The following PLXNA4 variants were observed in gnomAD, a reference collection of about 807,000 sequenced individuals.
PLXNA4 encodes plexin A4.
A neutral mutation model predicts 191.8 loss-of-function variants in PLXNA4; 44 were observed. The observed-to-expected ratio is 0.23, with a 90% CI of 0.18 to 0.29. The LOEUF (loss-of-function observed/expected upper bound fraction) is 0.29. Ranked by LOEUF, PLXNA4 falls within the 10% of genes least tolerant of loss-of-function variation. The pLI is 1.00. For synonymous variants in PLXNA4, 1,082 were observed against 1,009.5 expected (o/e 1.07, Z -1.36); for missense variants, 1,800 against 2,488.8 (o/e 0.72, Z 5.89).
intron 4 of PLXNA4, among the ~76,000 whole-genome samples, chr7:132,283,913 G>A (rs1341353978): frequency 1.3e-5 from 2 of 152,368 alleles, no homozygotes; most frequent in South Asian, 2.1e-4. Context: ...AGTGGCTCAT[G>A]CCTGTAATCC....
At chr7:132,287,900 G>A (rs1294276127) in intron 4 of PLXNA4, among the ~76,000 whole-genome samples, 1 of 152,196 alleles carries the variant, frequency 6.6e-6, no homozygotes, top group Admixed American at 6.5e-5. Flanking sequence ...GGCCGAGGCT[G>A]GTTCTGAGTT....
At chr7:132,388,167 C>A (rs1326396785) in intron 3 of PLXNA4, among the ~76,000 whole-genome samples, 1 of 152,186 alleles carries the variant, frequency 6.6e-6, no homozygotes, top group African/African-American at 2.4e-5. Flanking sequence ...TCTCAGGGTG[C>A]AGGTGGGGTA....
At chr7:132,361,229 T>C (rs1356593510) in intron 3 of PLXNA4, among the ~76,000 whole-genome samples, 1 of 152,110 alleles carries the variant, frequency 6.6e-6, no homozygotes, top group East Asian at 1.9e-4. Flanking sequence ...ATGAGGGCTG[T>C]CCACTGTGCC....
At chr7:132,297,348 C>T (rs1018798422) in intron 4 of PLXNA4, among the ~76,000 whole-genome samples, 2 of 152,120 alleles carry the variant, frequency 1.3e-5, no homozygotes, top group Non-Finnish European at 2.9e-5. Flanking sequence ...GTGGAGGACT[C>T]CAGGAAATAC....
chr7:132,437,800 G>A (rs1347104716), intron 3 of PLXNA4, among the ~76,000 whole-genome samples: 2 of 152,186 alleles, frequency 1.3e-5, no homozygotes, highest in African/African-American at 4.8e-5. Flanking sequence ...ACTGCAGACT[G>A]TCAGCAGCAG....
chr7:132,383,483 C>G, intron 3 of PLXNA4: 1 of 817,956 alleles, frequency 1.2e-6, no homozygotes, highest in Non-Finnish European at 1.5e-6. Context: ...AGCACAACTA[C>G]TGTTAGCATT....
chr7:132,398,947 T>C (rs1396832773), intron 3 of PLXNA4, among the ~76,000 whole-genome samples: 2 of 152,130 alleles, frequency 1.3e-5, no homozygotes, highest in Non-Finnish European at 2.9e-5. Flanking sequence ...TCCACAAAGA[T>C]GGCCTTTGTG....
chr7:132,439,466 G>A (rs1795604097), intron 3 of PLXNA4, among the ~76,000 whole-genome samples: 1 of 150,054 alleles, frequency 6.7e-6, no homozygotes, highest in Admixed American at 6.7e-5. Context: ...ATACATACAT[G>A]TGCATGCATA....
intron 3 of PLXNA4, among the ~76,000 whole-genome samples, chr7:132,452,919 G>A (rs1796175652): frequency 6.6e-6 from 1 of 152,198 alleles, no homozygotes; most frequent in Non-Finnish European, 1.5e-5. Context: ...ATGGATATGT[G>A]TTGGGGTAGA....
rs1795827019 is a variant in PLXNA4 at position 132,444,662 on chromosome 7, G to A, written c.1371+44630C>T. ...CCCAGGCAGCCTGGTGCACATCTGT[G>A]TTAAGGTGTGTGTGTTGGTGTGGGA... On this transcript the variant is annotated intron_variant, in intron 3 of 31. Coordinates refer to ENST00000321063, the MANE Select transcript of PLXNA4 (RefSeq NM_020911.2). Among the ~76,000 whole-genome samples the A allele has an allele frequency of 2.0e-5, 3 of 152,294 alleles. No individual in the cohort carries two copies. The South Asian group carries it at 6.2e-4, about 32-fold the overall frequency.
Position 132,185,457 on chromosome 7 carries a change from A to G in PLXNA4, c.3000T>C (p.Ser1000=). The G allele has an allele frequency of 6.2e-7, 1 of 1,612,230 alleles. No individual in the cohort carries two copies. Among genetic ancestry groups the G allele is most frequent in the Non-Finnish European group, 8.5e-7 (1 of 1,179,242 alleles). ...TGGTGTTGCAGACAATGTAGGATGG[A>G]GATCGCCTGGAGGGCAGGAAGACAG... ...GKQPCLFHRR[S]PSYIVCNTTS... Residue 1000 remains serine (S), a synonymous_variant, in exon 16 of 32, where the codon TCT becomes TCC. Transcript: ENST00000321063.
chr7:132,643,089 G>T (rs560685307), intron 2 of PLXNA4, among the ~76,000 whole-genome samples: 2 of 152,092 alleles, frequency 1.3e-5, no homozygotes, highest in Non-Finnish European at 2.9e-5. Flanking sequence ...TTTCAGACCT[G>T]CAGGAGGAGG....
At chr7:132,160,276 G>T (rs924972358) in intron 24 of PLXNA4, among the ~76,000 whole-genome samples, 25 of 152,186 alleles carry the variant, frequency 1.6e-4, no homozygotes, top group African/African-American at 6.0e-4. Context: ...AAGATTGCAG[G>T]TTCAGGACAC....
chr7:132,302,101 C>T (rs754323365), intron 3 of PLXNA4, among the ~76,000 whole-genome samples: 37 of 152,124 alleles, frequency 2.4e-4, no homozygotes, highest in Admixed American at 1.4e-3. Flanking sequence ...CATGGGACTT[C>T]GGGCAGTTTG....
At chr7:132,530,741 G>T (rs1799587682) in intron 1 of PLXNA4, among the ~76,000 whole-genome samples, 1 of 152,200 alleles carries the variant, frequency 6.6e-6, no homozygotes. Flanking sequence ...CCACTCCTAA[G>T]TATATTCCAA....
At chr7:132,601,847 G>C (rs1297567751) in intron 2 of PLXNA4, among the ~76,000 whole-genome samples, 3 of 152,204 alleles carry the variant, frequency 2.0e-5, no homozygotes, top group African/African-American at 7.2e-5. Flanking sequence ...ATCCTTTTCT[G>C]AAAGATGTCC....
At chr7:132,338,392 C>T (rs1220175962) in intron 3 of PLXNA4, among the ~76,000 whole-genome samples, 1 of 152,176 alleles carries the variant, frequency 6.6e-6, no homozygotes, top group Admixed American at 6.5e-5. Context: ...AGGCAAATGC[C>T]AATCTTGCTT....
intron 30 of PLXNA4, among the ~76,000 whole-genome samples, chr7:132,139,979 G>T (rs1424125709): frequency 2.0e-5 from 3 of 152,172 alleles, no homozygotes; most frequent in African/African-American, 7.2e-5. Context: ...ACCATGAGTC[G>T]CACTGCCCTA....
intron 1 of PLXNA4, among the ~76,000 whole-genome samples, chr7:132,536,434 T>C (rs908582380): frequency 2.0e-5 from 3 of 152,148 alleles, no homozygotes; most frequent in Non-Finnish European, 4.4e-5. Flanking sequence ...TGCACCCCAC[T>C]GACACATAGA....
Sources: gnomAD v4.1 joint callset for allele counts (sites outside exome capture counted in the v4.1 genomes callset) on GRCh38, gnomAD v4.1.1 for gene constraint, MANE v1.5 for transcripts, NCBI Gene and HGNC (gene_info 2026-07-23, HGNC 2026-07-21) for gene names.